Variants in RESF1 observed in about 807,000 individuals in gnomAD.
The protein encoded by RESF1 is gonad expressed transcript.
A neutral mutation model predicts 134.7 loss-of-function variants in RESF1; 65 were observed. The observed-to-expected ratio is 0.48, with a 90% CI of 0.40 to 0.59. The LOEUF is 0.59. Among genes scored for constraint, RESF1 ranks in the 20% least tolerant of loss-of-function variants. The pLI, the probability that RESF1 is intolerant of heterozygous loss-of-function variation, is 0.00. For missense variants in RESF1, 2,274 were observed against 2,002.7 expected (o/e 1.14, Z -2.59); for synonymous variants, 762 against 702.2 (o/e 1.09, Z -1.35).
chr12:31,968,874 T>C (rs1939453049), intron 2 of RESF1, among the ~76,000 whole-genome samples: 1 of 152,246 alleles, frequency 6.6e-6, no homozygotes, highest in African/African-American at 2.4e-5. Flanking sequence ...GCCTGTCGTA[T>C]TGGCTGTTAA....
At chr12:31,979,749 G>T (rs1041849801) in intron 3 of RESF1, among the ~76,000 whole-genome samples, 1 of 151,202 alleles carries the variant, frequency 6.6e-6, no homozygotes, top group African/African-American at 2.4e-5. Flanking sequence ...TAGAGACAGG[G>T]TTTCACTATG....
Position 31,992,637 on chromosome 12 carries a change from C to G in RESF1, c.*102C>G. The G allele has an allele frequency of 8.1e-7, 1 of 1,229,116 alleles. No individual in the cohort carries two copies. The highest frequency in any genetic ancestry group is 1.2e-6 in the Non-Finnish European group (1 of 853,046). 76.1% of individuals were successfully genotyped at this position (1,229,116 alleles called of 1,614,324 possible). On this transcript the variant is annotated 3_prime_UTR_variant, in exon 6 of 6. Transcript: ENST00000312561. ...GAGAAATGCCATGATAAAGATTTCT[C>G]AGAGTTTGGTTCCCACTTTCATTGT...
chr12:31,978,536 G>GTTT (rs372896758), intron 3 of RESF1, among the ~76,000 whole-genome samples: 1 of 150,120 alleles, frequency 6.7e-6, no homozygotes, highest in African/African-American at 2.4e-5. Flanking sequence ...GGTATTTGGG[G>GTTT]TTTTTTTTTG....
At chr12:31,972,146 T>C (rs1405243144) in intron 3 of RESF1, among the ~76,000 whole-genome samples, 1 of 152,184 alleles carries the variant, frequency 6.6e-6, no homozygotes, top group Non-Finnish European at 1.5e-5. Context: ...TTGAACTGAA[T>C]CCTTGGTAAT....
intron 3 of RESF1, among the ~76,000 whole-genome samples, chr12:31,972,847 T>A (rs1939542960): frequency 6.6e-6 from 1 of 152,186 alleles, no homozygotes; most frequent in Non-Finnish European, 1.5e-5. Context: ...AAAATGTTAT[T>A]TTTTATATAA....
At position 31,985,014 on chromosome 12, in the gene RESF1, G is replaced by C. The variant is rs147863313; in HGVS notation, c.4059G>C (p.Leu1353Phe). The change falls in exon 4 of 6, where the codon TTG becomes TTC. Residue 1353 changes from leucine to phenylalanine, a missense_variant. Transcript: ENST00000312561. The stretch of plus-strand genomic sequence containing the variant: ...ATGTGTATAAGAAGCATAGTTCTTT[G>C]GGACAGTCATTATCACCAGAAAAGA... ...NKDVYKKHSSLGQSLSPEKIK... is the reference protein window; with the variant it reads ...NKDVYKKHSSFGQSLSPEKIK... 1 of 1,598,178 alleles carries C rather than the reference G, an allele frequency of 6.3e-7. No homozygotes were observed. Among genetic ancestry groups the C allele is most frequent in the African/African-American group, 1.4e-5 (1 of 73,726 alleles).
rs773421238 is a variant in RESF1, at chr12:31,983,786, A to G, written c.2831A>G (p.Asp944Gly). 1.2e-5 allele frequency: 20 copies of G among 1,613,128 alleles called. 1 individual carries two copies. The highest frequency in any genetic ancestry group is 3.3e-4 in the Middle Eastern group (2 of 6,082). ...IGSREPEKQL[D>G]NTTENKDFGF... ...AGCAGAGAACCAGAAAAACAATTAG[A>G]TAATACCACTGAAAATAAAGACTTT... Residue 944 changes from aspartate (D) to glycine (G), a missense_variant, in exon 4 of 6, where the codon GAT becomes GGT. By Grantham distance (94) the Asp-to-Gly change is moderately conservative. Transcript: ENST00000312561.
intron 3 of RESF1, among the ~76,000 whole-genome samples, chr12:31,975,033 G>T (rs1355079353): frequency 6.6e-6 from 1 of 151,732 alleles, no homozygotes; most frequent in Non-Finnish European, 1.5e-5. Context: ...CCAGCACTTT[G>T]GGAGGCCAAG....
At chr12:31,969,661 C>T (rs191038453) in intron 2 of RESF1, among the ~76,000 whole-genome samples, 227 of 152,252 alleles carry the variant, frequency 1.5e-3, no homozygotes, top group Middle Eastern at 3.4e-3. Flanking sequence ...GTTTTTGAGA[C>T]GGAGTCTTGC....
Position 31,985,081 on chromosome 12 carries a change from AAGTT to A in RESF1, c.4129_4132del (p.Leu1377ThrfsTer6), listed in dbSNP as rs750405694. 3.8e-6 allele frequency: 6 copies of A among 1,567,810 alleles called. No individual in the cohort carries two copies. The South Asian group carries it at 6.1e-5, about 16-fold the overall frequency. On this transcript the variant is annotated frameshift_variant, in exon 4 of 6. Coordinates refer to ENST00000312561, the MANE Select transcript of RESF1 (RefSeq NM_018169.4). LOFTEE classifies it high-confidence loss of function. ...ATCAGTTAGCTTCAAACAAAAACGAAAGTTAGACCAAGGGAACGTATTAGATATG... is the reference window on the plus strand; with the variant it reads ...ATCAGTTAGCTTCAAACAAAAACGAAAGACCAAGGGAACGTATTAGATATG...
At chr12:31,986,199 T>C (rs1260840686) in intron 4 of RESF1, among the ~76,000 whole-genome samples, 1 of 152,184 alleles carries the variant, frequency 6.6e-6, no homozygotes. Flanking sequence ...TATGTAAAAC[T>C]TGCCAGATAG....
intron 2 of RESF1, among the ~76,000 whole-genome samples, chr12:31,967,999 A>G (rs1188321973): frequency 6.6e-6 from 1 of 152,232 alleles, no homozygotes; most frequent in Non-Finnish European, 1.5e-5. Flanking sequence ...GAGCTAGTAC[A>G]GGTTGAATAA....
chr12:31,981,881 G>A lies in RESF1; in HGVS notation c.926G>A (p.Arg309Gln), dbSNP rs16919122. 187,351 of 1,613,950 alleles carry A rather than the reference G, an allele frequency of 0.12. 11,471 individuals carry two copies. The highest frequency in any genetic ancestry group is 0.21 in the Admixed American group (12,697 of 59,996). ...TTGTCTATGGAAGTTCCTCAGAGTCGAGAAATGCTGTCATCTGAAATAAGG... is the reference window on the plus strand; with the variant it reads ...TTGTCTATGGAAGTTCCTCAGAGTCAAGAAATGCTGTCATCTGAAATAAGG... ...KHLSMEVPQSREMLSSEIRTS... is the reference protein window; with the variant it reads ...KHLSMEVPQSQEMLSSEIRTS... The change falls in exon 4 of 6, where the codon CGA becomes CAA. Residue 309 changes from arginine (R) to glutamine (Q), a missense_variant. Coordinates refer to ENST00000312561, the MANE Select transcript of RESF1 (RefSeq NM_018169.4).
chr12:31,984,938 C>T lies in RESF1; in HGVS notation c.3983C>T (p.Thr1328Ile). 1 of 1,613,424 alleles carries T rather than the reference C, an allele frequency of 6.2e-7. No homozygotes were observed. The highest frequency in any genetic ancestry group is 8.5e-7 in the Non-Finnish European group (1 of 1,179,854). Residue 1328 changes from threonine to isoleucine, a missense_variant, in exon 4 of 6, where the codon ACA (threonine) becomes ATA (isoleucine). Transcript: ENST00000312561. Reference sequence around the variant, plus strand: ...GAAACCCGACAGAAGAAACATGTAACACAGAACTCACGTCCACTAAAAACA... The same window carrying T: ...GAAACCCGACAGAAGAAACATGTAATACAGAACTCACGTCCACTAAAAACA... ...SQETRQKKHV[T>I]QNSRPLKTKT...
Position 31,978,586 on chromosome 12 carries a change from G to A in RESF1, c.-78-2292G>A, listed in dbSNP as rs925627012. Among the ~76,000 whole-genome samples the A allele has an allele frequency of 4.6e-5, 7 of 150,914 alleles. 1 individual carries two copies. Among genetic ancestry groups the A allele is most frequent in the South Asian group, 2.1e-4 (1 of 4,782 alleles). On this transcript the variant is annotated intron_variant, in intron 3 of 5. Transcript: ENST00000312561. ...TTTTGAGACGGGCTCTCGCTCTGTC[G>A]CCAGGCTGGAGTGTAGTGGCGCAAT...
chr12:31,961,649 AT>A (rs1322060729), intron 2 of RESF1, among the ~76,000 whole-genome samples: 1 of 152,202 alleles, frequency 6.6e-6, no homozygotes, highest in African/African-American at 2.4e-5. Flanking sequence ...CTTTTTATTG[AT>A]TAAACCCATC....
In RESF1 at chr12:31,992,619, G is replaced by A. The variant is rs1940119117; in HGVS notation, c.*84G>A. ...TATTTCGCTGAAACTAATGAGAAATGCCATGATAAAGATTTCTCAGAGTTT... is the reference window on the plus strand; with the variant it reads ...TATTTCGCTGAAACTAATGAGAAATACCATGATAAAGATTTCTCAGAGTTT... On this transcript the variant is annotated 3_prime_UTR_variant, in exon 6 of 6. Coordinates refer to ENST00000312561, the MANE Select transcript of RESF1 (RefSeq NM_018169.4). 3.9e-6 allele frequency: 5 copies of A among 1,293,804 alleles called. No individual in the cohort carries two copies. Among genetic ancestry groups the A allele is most frequent in the Middle Eastern group, 1.9e-4 (1 of 5,362 alleles). 80.1% of individuals were successfully genotyped at this position (1,293,804 alleles called of 1,614,324 possible).
At chr12:31,965,645 C>T (rs1020940258) in intron 2 of RESF1, among the ~76,000 whole-genome samples, 4 of 152,148 alleles carry the variant, frequency 2.6e-5, no homozygotes, top group Non-Finnish European at 5.9e-5. Context: ...TGTCTATCTC[C>T]AGTGGCAGAA....
Position 31,984,114 on chromosome 12 carries a change from C to T in RESF1, c.3159C>T (p.Asp1053=), listed in dbSNP as rs1247279077. The change falls in exon 4 of 6, where the codon GAC becomes GAT. Residue 1053 remains aspartate (D), a synonymous_variant. Coordinates refer to ENST00000312561, the MANE Select transcript of RESF1 (RefSeq NM_018169.4). ...AGGCACCTGTCTTATACCTACATGACCAGCTGTCAGAACTTCTAAAAGAGT... is the reference window on the plus strand; with the variant it reads ...AGGCACCTGTCTTATACCTACATGATCAGCTGTCAGAACTTCTAAAAGAGT... ...SDKAPVLYLH[D]QLSELLKEFP... is the part of the protein sequence containing the mutation. 3.7e-6 allele frequency: 6 copies of T among 1,613,352 alleles called. No individual in the cohort carries two copies. Among genetic ancestry groups the T allele is most frequent in the Non-Finnish European group, 5.1e-6 (6 of 1,179,824 alleles).
Sources: gnomAD v4.1 joint callset for allele counts (sites outside exome capture counted in the v4.1 genomes callset) on GRCh38, gnomAD v4.1.1 for gene constraint, MANE v1.5 for transcripts, NCBI Gene and HGNC (gene_info 2026-07-23, HGNC 2026-07-21) for gene names.